Variants in KDM4C observed in about 807,000 individuals in gnomAD.
The protein encoded by KDM4C is lysine-specific demethylase 4C.
KDM4C carries 81 observed loss-of-function variants against 129.3 expected under a neutral mutation model. That is an observed-to-expected ratio of 0.63 (90% CI 0.52 to 0.75). The LOEUF (loss-of-function observed/expected upper bound fraction) is 0.75. Among genes scored for constraint, KDM4C ranks in the 30% least tolerant of loss-of-function variants. KDM4C has a pLI of 0.00. For missense variants in KDM4C, 1,457 were observed against 1,304.0 expected (o/e 1.12, Z -1.81); for synonymous variants, 573 against 456.1 (o/e 1.26, Z -3.26).
At position 6,789,747 on chromosome 9, in the gene KDM4C, T is replaced by C. The variant is rs148632560; in HGVS notation, c.-17-3225T>C. Among the ~76,000 whole-genome samples the C allele has an allele frequency of 8.9e-3, 1,357 of 152,142 alleles. 12 individuals carry two copies. Among genetic ancestry groups the C allele is most frequent in the African/African-American group, 0.027 (1,129 of 41,520 alleles). On this transcript the variant is annotated intron_variant, in intron 1 of 21. Coordinates refer to ENST00000381309, the MANE Select transcript of KDM4C (RefSeq NM_015061.6). The stretch of plus-strand genomic sequence containing the variant: ...CCTGAAGCCCATGAATTTGGGGGTA[T>C]GTACCTGTCTACACGTGAACAGAGG...
At chr9:6,857,621 A>G (rs975868808) in intron 5 of KDM4C, among the ~76,000 whole-genome samples, 11 of 152,162 alleles carry the variant, frequency 7.2e-5, no homozygotes, top group Admixed American at 1.3e-4. Context: ...TTTACTAATT[A>G]ATTGATTGGT....
At chr9:7,140,538 C>T (rs1250305558) in intron 19 of KDM4C, among the ~76,000 whole-genome samples, 1 of 152,148 alleles carries the variant, frequency 6.6e-6, no homozygotes, top group Non-Finnish European at 1.5e-5. Context: ...CCCATGAAGG[C>T]CCTTCTTTTG....
At chr9:7,057,396 C>G (rs986775105) in intron 17 of KDM4C, among the ~76,000 whole-genome samples, 1 of 152,190 alleles carries the variant, frequency 6.6e-6, no homozygotes, top group Non-Finnish European at 1.5e-5. Context: ...TGCTTTAGAT[C>G]ACATAATTAT....
intron 12 of KDM4C, among the ~76,000 whole-genome samples, chr9:6,996,229 C>T (rs183915963): frequency 6.6e-6 from 1 of 152,324 alleles, no homozygotes; most frequent in East Asian, 1.9e-4. Context: ...TTCTTATCAG[C>T]AGCACTTTAA....
intron 2 of KDM4C, among the ~76,000 whole-genome samples, chr9:6,804,923 C>T (rs954025417): frequency 1.3e-5 from 2 of 151,690 alleles, no homozygotes; most frequent in African/African-American, 4.8e-5. Context: ...TTTCCTGAGA[C>T]AGAGTCTCAC....
intron 5 of KDM4C, among the ~76,000 whole-genome samples, chr9:6,855,398 G>T (rs1179540640): frequency 2.1e-5 from 3 of 143,556 alleles, no homozygotes; most frequent in African/African-American, 7.7e-5. Context: ...GGCAGAGGTT[G>T]TGGTGAGCCG....
chr9:6,742,054 C>A (rs370392153), intron 1 of KDM4C, among the ~76,000 whole-genome samples: 52 of 151,974 alleles, frequency 3.4e-4, no homozygotes, highest in Admixed American at 2.1e-3. Context: ...CTCACTGCAA[C>A]CTCCACCTCC....
intron 8 of KDM4C, among the ~76,000 whole-genome samples, chr9:6,942,942 T>G (rs918320835): frequency 6.6e-6 from 1 of 152,162 alleles, no homozygotes; most frequent in African/African-American, 2.4e-5. Context: ...CACGGCCCCT[T>G]GTAGCCCCAA....
At chr9:7,152,763 G>T (rs1440786359) in intron 19 of KDM4C, among the ~76,000 whole-genome samples, 1 of 152,162 alleles carries the variant, frequency 6.6e-6, no homozygotes, top group Non-Finnish European at 1.5e-5. Flanking sequence ...GGAAGGAGGC[G>T]AAGGAACATG....
At chr9:7,041,646 C>T (rs1344882399) in intron 15 of KDM4C, among the ~76,000 whole-genome samples, 1 of 151,698 alleles carries the variant, frequency 6.6e-6, no homozygotes, top group East Asian at 1.9e-4. Context: ...AAAGGGTGTG[C>T]TGCTTTTTCT....
At chr9:6,785,871 C>T (rs1195017936) in intron 1 of KDM4C, among the ~76,000 whole-genome samples, 1 of 152,226 alleles carries the variant, frequency 6.6e-6, no homozygotes, top group African/African-American at 2.4e-5. Flanking sequence ...TGTGAGGCCA[C>T]ACCCAGTGTG....
At chr9:7,108,207 T>G (rs954391696) in intron 18 of KDM4C, among the ~76,000 whole-genome samples, 3 of 152,098 alleles carry the variant, frequency 2.0e-5, no homozygotes, top group Non-Finnish European at 4.4e-5. Context: ...TACAACTGAG[T>G]CCTTGCTCAG....
intron 5 of KDM4C, among the ~76,000 whole-genome samples, chr9:6,873,616 T>C (rs950452183): frequency 6.6e-6 from 1 of 152,234 alleles, no homozygotes; most frequent in Non-Finnish European, 1.5e-5. Context: ...TTGAAGAGAA[T>C]TGAAGCCTTG....
chr9:6,841,837 C>G (rs1337919196), intron 4 of KDM4C, among the ~76,000 whole-genome samples: 1 of 152,224 alleles, frequency 6.6e-6, no homozygotes. Context: ...AGCAGACCTT[C>G]CCTGCCATTC....
chr9:6,829,935 T>C lies in KDM4C; in HGVS notation c.435+15190T>C, dbSNP rs1834533647. Among the ~76,000 whole-genome samples the C allele has an allele frequency of 2.6e-5, 4 of 152,368 alleles. No homozygotes were observed. In the South Asian group the frequency reaches 8.3e-4, roughly 32 times the overall value. Reference sequence around the variant, plus strand: ...TTGTAAGATATAAAAGCCTGTGTTTTTTTTCTGGGGTGAATTTATAAATAG... The same window carrying C: ...TTGTAAGATATAAAAGCCTGTGTTTCTTTTCTGGGGTGAATTTATAAATAG... On this transcript the variant is annotated intron_variant, in intron 4 of 21. Coordinates refer to ENST00000381309, the MANE Select transcript of KDM4C (RefSeq NM_015061.6).
chr9:7,014,276 T>G (rs1823239060), intron 14 of KDM4C: 2 of 320,444 alleles, frequency 6.2e-6, no homozygotes, highest in Non-Finnish European at 1.1e-5. Flanking sequence ...TGGGGTTCCT[T>G]TCACATGTTT....
intron 3 of KDM4C, among the ~76,000 whole-genome samples, chr9:6,809,063 A>T (rs1279242411): frequency 6.6e-6 from 1 of 152,206 alleles, no homozygotes; most frequent in Non-Finnish European, 1.5e-5. Flanking sequence ...ATTATATTTG[A>T]CATTGTAAGC....
chr9:7,140,226 G>C (rs1841607248), intron 19 of KDM4C, among the ~76,000 whole-genome samples: 2 of 152,114 alleles, frequency 1.3e-5, no homozygotes, highest in Non-Finnish European at 2.9e-5. Context: ...CTACACTCCT[G>C]GTGTATGTGG....
At chr9:7,091,190 A>G (rs949339446) in intron 17 of KDM4C, among the ~76,000 whole-genome samples, 1 of 152,232 alleles carries the variant, frequency 6.6e-6, no homozygotes, top group African/African-American at 2.4e-5. Flanking sequence ...TTCAATGGAA[A>G]CTTTCTTTTG....
Sources: gnomAD v4.1 joint callset for allele counts (sites outside exome capture counted in the v4.1 genomes callset) on GRCh38, gnomAD v4.1.1 for gene constraint, MANE v1.5 for transcripts, NCBI Gene and HGNC (gene_info 2026-07-23, HGNC 2026-07-21) for gene names.